Variants in MOK observed in about 807,000 individuals in gnomAD.
The protein encoded by MOK is MAPK/MAK/MRK overlapping kinase.
MOK carries 59 observed loss-of-function variants against 54.2 expected under a neutral mutation model. The observed-to-expected ratio is 1.09, with a 90% CI of 0.88 to 1.35. The LOEUF is 1.35. MOK is among the 40% of genes most tolerant of loss of function. The probability of loss-of-function intolerance (pLI) is 0.00; values close to 1 mark genes in which losing one functional copy is unlikely to be tolerated. For missense variants in MOK, 517 were observed against 526.2 expected, an observed-to-expected ratio of 0.98 and a Z score of 0.17; for synonymous variants, 210 against 202.7, an observed-to-expected ratio of 1.04 and a Z score of -0.31.
At chr14:102,264,567 G>A (rs530132684) in intron 3 of MOK, 1 of 152,370 alleles carries the variant, frequency 6.6e-6, no homozygotes, top group South Asian at 2.1e-4. Flanking sequence ...CGAGGTCCAT[G>A]TGAGATTCTG....
intron 1 of MOK, among the ~76,000 whole-genome samples, chr14:102,299,711 G>A (rs765185211): frequency 5.9e-5 from 9 of 151,918 alleles, no homozygotes; most frequent in South Asian, 4.2e-4. Context: ...TCAGCCTCCC[G>A]AGTACCTGAG....
At chr14:102,220,719 CAAAAAAAAAAAAAA>C (rs35097607), downstream of MOK, among the ~76,000 whole-genome samples, 2 of 111,714 alleles carry the variant, frequency 1.8e-5, no homozygotes, top group African/African-American at 6.3e-5. The surrounding 1 kb of genome is among the most constrained non-coding windows in gnomAD (Gnocchi z 4.2). Context: ...GACTCCGTCT[CAAAAAAAAAAAAAA>C]AAAAGAAAAT....
intron 1 of MOK, among the ~76,000 whole-genome samples, chr14:102,288,093 C>T (rs1216303622): frequency 6.6e-6 from 1 of 150,706 alleles, no homozygotes; most frequent in Non-Finnish European, 1.5e-5. Context: ...CTCGGCCTCC[C>T]AAAGTGCTGG....
At position 102,232,957 on chromosome 14, in the gene MOK, CAG is replaced by C. The variant is rs545547387; in HGVS notation, c.693-251_693-250del. 630 of 318,870 alleles carry C rather than the reference CAG, an allele frequency of 2.0e-3. 3 individuals carry two copies. The highest frequency in any genetic ancestry group is 2.4e-3 in the Non-Finnish European group (416 of 176,138). The allele number at this position is 318,870 out of a possible 1,614,324, so 19.8% of individuals were successfully genotyped here. A position where few individuals can be genotyped will look rare whatever the true frequency, so the allele number is the denominator to read the frequency against. On this transcript the variant is annotated intron_variant, in intron 8 of 11. Coordinates refer to ENST00000361847, the MANE Select transcript of MOK (RefSeq NM_014226.3). The surrounding 1 kb of genome is among the most constrained non-coding windows in gnomAD (Gnocchi z 5.1). ...CACCACTCGAGGCAGGTGCTGACGA[CAG>C]GGGAGGCTGTGTGCACATGGGGACA...
intron 1 of MOK, among the ~76,000 whole-genome samples, chr14:102,292,620 G>A (rs749600878): frequency 2.6e-5 from 4 of 152,036 alleles, no homozygotes; most frequent in Non-Finnish European, 5.9e-5. Flanking sequence ...CCTTCTGTGT[G>A]CACCTTGTCC....
At chr14:102,233,264 G>A (rs1373047274) in intron 8 of MOK, 1 of 163,402 alleles carries the variant, frequency 6.1e-6, no homozygotes, top group East Asian at 1.8e-4. Context: ...CCCAGCCTCA[G>A]CTTCACCAGA....
chr14:102,304,908 C>G (rs891787352), intron 1 of MOK, 54 bp downstream of exon 1: 2 of 1,458,218 alleles, frequency 1.4e-6, no homozygotes, highest in Non-Finnish European at 1.9e-6. Flanking sequence ...CCCAGTCCCT[C>G]CCTCCCCCGC....
At chr14:102,216,535 C>CTTA in the MOK span, among the ~76,000 whole-genome samples, 1 of 152,146 alleles carries the variant, frequency 6.6e-6, no homozygotes, top group African/African-American at 2.4e-5. Context: ...ATTTTAAGCC[C>CTTA]TAAAGACTAT....
At chr14:102,237,271 A>C (rs1244433595) in intron 7 of MOK, among the ~76,000 whole-genome samples, 2 of 151,900 alleles carry the variant, frequency 1.3e-5, no homozygotes, top group Non-Finnish European at 2.9e-5. Context: ...TCTCTAGAAG[A>C]CTCTCAAACT....
At chr14:102,258,985 G>C (rs1240784746) in intron 4 of MOK, among the ~76,000 whole-genome samples, 2 of 151,342 alleles carry the variant, frequency 1.3e-5, no homozygotes, top group Non-Finnish European at 2.9e-5. Flanking sequence ...AGAATCGCTT[G>C]AACCCAGGAG....
intron 1 of MOK, among the ~76,000 whole-genome samples, chr14:102,285,053 A>T (rs2069878926): frequency 6.7e-6 from 1 of 149,350 alleles, no homozygotes; most frequent in Non-Finnish European, 1.5e-5. Flanking sequence ...ACTGCACTCC[A>T]GCCTGGGCTA....
Position 102,261,402 on chromosome 14 carries a change from AAAAAAAAAAAAAAAAAATATATATAT to A in MOK, c.283+2118_283+2143del, listed in dbSNP as rs2067397065. ...CCACGTCTCAAAAAAAAAAAAAAAA[AAAAAAAAAAAAAAAAAATATATATAT>A]ATATATATATATATATATATATATA... On this transcript the variant is annotated intron_variant, in intron 4 of 11. Coordinates refer to ENST00000361847, the MANE Select transcript of MOK (RefSeq NM_014226.3). Among the ~76,000 whole-genome samples, 5 of 78,134 alleles carry A rather than the reference AAAAAAAAAAAAAAAAAATATATATAT, an allele frequency of 6.4e-5. No individual in the cohort carries two copies. The South Asian group carries it at 2.3e-3, about 36-fold the overall frequency. 51.3% of individuals were successfully genotyped at this position (78,134 alleles called of 152,430 possible). A position where few individuals can be genotyped will look rare whatever the true frequency, so the allele number is the denominator to read the frequency against.
chr14:102,260,926 T>A (rs1294874424), intron 4 of MOK, among the ~76,000 whole-genome samples: 1 of 151,568 alleles, frequency 6.6e-6, no homozygotes, highest in East Asian at 1.9e-4. Flanking sequence ...ATTGAGACCA[T>A]CCTGGCTAAC....
intron 1 of MOK, among the ~76,000 whole-genome samples, chr14:102,300,384 C>CA (rs36070143): frequency 0.2 from 26,273 of 133,094 alleles, 2,989 homozygotes; most frequent in African/African-American, 0.32. Flanking sequence ...CCATCTCCAC[C>CA]AAAAAAAAAA....
At chr14:102,227,641 A>C (rs2064306334), downstream of MOK, among the ~76,000 whole-genome samples, 1 of 152,156 alleles carries the variant, frequency 6.6e-6, no homozygotes, top group Admixed American at 6.5e-5. Flanking sequence ...CATTACGGCA[A>C]GCCTCACTTC....
intron 4 of MOK, among the ~76,000 whole-genome samples, chr14:102,259,324 GTGAT>G (rs2067208917): frequency 6.6e-6 from 1 of 152,070 alleles, no homozygotes; most frequent in African/African-American, 2.4e-5. Context: ...TAAAGCCTTA[GTGAT>G]TGATTCAGTT....
At chr14:102,293,884 G>A (rs1218507609) in intron 1 of MOK, among the ~76,000 whole-genome samples, 8 of 152,094 alleles carry the variant, frequency 5.3e-5, no homozygotes, top group African/African-American at 1.9e-4. Flanking sequence ...GTGTGTAAAG[G>A]TGAACATTTC....
chr14:102,267,834 C>T (rs1336725800), intron 2 of MOK, among the ~76,000 whole-genome samples: 1 of 152,052 alleles, frequency 6.6e-6, no homozygotes, highest in African/African-American at 2.4e-5. Context: ...GAGCTGGGTC[C>T]TCAAAGTGGC....
intron 2 of MOK, among the ~76,000 whole-genome samples, chr14:102,275,389 C>T (rs2068763802): frequency 6.6e-6 from 1 of 151,948 alleles, no homozygotes; most frequent in African/African-American, 2.4e-5. Flanking sequence ...ACGGTGAAAC[C>T]CCGTCTCTAT....
Sources: gnomAD v4.1 joint callset for allele counts (sites outside exome capture counted in the v4.1 genomes callset) on GRCh38, gnomAD v4.1.1 for gene constraint, Gnocchi (gnomAD v3.1) non-coding constraint, MANE v1.5 for transcripts, NCBI Gene and HGNC (gene_info 2026-07-23, HGNC 2026-07-21) for gene names.